Variants in TEX36 observed in about 807,000 individuals in gnomAD.
TEX36 encodes testis expressed 36.
Under a neutral mutation model 13.6 loss-of-function variants are expected in TEX36, and 12 were observed. That is an observed-to-expected ratio of 0.88 (90% CI 0.56 to 1.43). The LOEUF is 1.43. Ranked by LOEUF, TEX36 falls within the 40% of genes most tolerant of loss-of-function variation. The pLI, the probability that TEX36 is intolerant of heterozygous loss-of-function variation, is 0.00. For missense variants in TEX36, 224 were observed against 228.3 expected, an observed-to-expected ratio of 0.98 and a Z score of 0.12; for synonymous variants, 93 against 83.0, an observed-to-expected ratio of 1.12 and a Z score of -0.65.
At chr10:125,664,965 C>CAAT (rs1461887699) in intron 1 of TEX36, among the ~76,000 whole-genome samples, 3 of 152,158 alleles carry the variant, frequency 2.0e-5, no homozygotes, top group African/African-American at 7.2e-5. Context: ...ATCTGATGAT[C>CAAT]AATGATGTTG....
Position 125,678,874 on chromosome 10 carries a change from G to A in TEX36, c.51+4065C>T, listed in dbSNP as rs562326754. On this transcript the variant is annotated intron_variant, in intron 1 of 3. Coordinates refer to ENST00000368821, the MANE Select transcript of TEX36 (RefSeq NM_001128202.3). ...GCAAAGCCCGGCTGGGTGGGCTTGCGCTCAGGCCCCCAAAATATGACAGCA... is the reference window on the plus strand; with the variant it reads ...GCAAAGCCCGGCTGGGTGGGCTTGCACTCAGGCCCCCAAAATATGACAGCA... Among the ~76,000 whole-genome samples, 10 of 152,074 alleles carry A rather than the reference G, an allele frequency of 6.6e-5. No homozygotes were observed. The South Asian group carries it at 1.3e-3, about 19-fold the overall frequency.
At chr10:125,655,450 A>T (rs12414561), downstream of TEX36, among the ~76,000 whole-genome samples, 13,207 of 151,274 alleles carry the variant, frequency 0.087, 944 homozygotes, top group East Asian at 0.31. Context: ...AAACAAAATT[A>T]AAAAAAAGTT....
At chr10:125,673,935 C>T (rs1431052393) in intron 1 of TEX36, among the ~76,000 whole-genome samples, 2 of 151,984 alleles carry the variant, frequency 1.3e-5, no homozygotes, top group East Asian at 3.9e-4. Flanking sequence ...CTTACTGGGG[C>T]TCTCTGTGTT....
chr10:125,628,026 C>T (rs1312863660), intron 3 of TEX36, among the ~76,000 whole-genome samples: 1 of 152,180 alleles, frequency 6.6e-6, no homozygotes, highest in African/African-American at 2.4e-5. Context: ...AGTATGCCTA[C>T]ACTCACTGGT....
In TEX36 at chr10:125,655,755, A is replaced by G; in HGVS notation, c.*145T>C. 7.5e-7 allele frequency: 1 copy of G among 1,335,744 alleles called. No individual in the cohort carries two copies. Among genetic ancestry groups the G allele is most frequent in the Non-Finnish European group, 9.6e-7 (1 of 1,045,308 alleles). The allele number at this position is 1,335,744 out of a possible 1,614,324, so 82.7% of individuals were successfully genotyped here. ...GTATGTCATCACAAATTCATTTCAC[A>G]AGGATTTGAATGTTTTTTGACCTTA... On this transcript the variant is annotated 3_prime_UTR_variant, in exon 4 of 4. Coordinates refer to ENST00000368821, the MANE Select transcript of TEX36 (RefSeq NM_001128202.3).
In TEX36 at chr10:125,683,047, A is replaced by C; in HGVS notation, c.-58T>G. 3 of 1,537,078 alleles carry C rather than the reference A, an allele frequency of 2.0e-6. No individual in the cohort carries two copies. Among genetic ancestry groups the C allele is most frequent in the Non-Finnish European group, 1.8e-6 (2 of 1,133,756 alleles). On this transcript the variant is annotated 5_prime_UTR_variant, in exon 1 of 4. An upstream open reading frame in the 5' UTR loses its in-frame stop. Coordinates refer to ENST00000368821, the MANE Select transcript of TEX36 (RefSeq NM_001128202.3). Reference sequence around the variant, plus strand: ...GCTCCCTCACCTCTCCATAAGCTCTACATGTCTGGGAAGCTGCTTCCTAAA... The same window carrying C: ...GCTCCCTCACCTCTCCATAAGCTCTCCATGTCTGGGAAGCTGCTTCCTAAA...
At chr10:125,639,425 G>T (rs1445556741) in intron 3 of TEX36, among the ~76,000 whole-genome samples, 4 of 152,162 alleles carry the variant, frequency 2.6e-5, no homozygotes, top group African/African-American at 9.7e-5. Context: ...TACCACTCAT[G>T]CTTGTACCCC....
At chr10:125,638,962 T>C (rs1846652475) in intron 3 of TEX36, among the ~76,000 whole-genome samples, 1 of 152,270 alleles carries the variant, frequency 6.6e-6, no homozygotes, top group Non-Finnish European at 1.5e-5. Context: ...TACCTATCAT[T>C]AGGCTTTCAG....
At chr10:125,576,609 T>C in exon 4 of TEX36, 1 of 1,228,600 alleles carries the variant, frequency 8.1e-7, no homozygotes, top group East Asian at 2.6e-5. Context: ...TGGAAATTTA[T>C]TTTTCCAAGA....
rs372535245 is a variant in TEX36 at position 125,587,560 on chromosome 10, G to T, written c.265-10686C>A. Among the ~76,000 whole-genome samples the T allele has an allele frequency of 2.6e-5, 4 of 152,186 alleles. No homozygotes were observed. The East Asian group carries it at 7.7e-4, about 29-fold the overall frequency. Reference sequence around the variant, plus strand: ...CCCAACACTTTGGAGGCCGAGGTTGGCAGAGCACCTGAAGTCAGGAGATCA... The same window carrying T: ...CCCAACACTTTGGAGGCCGAGGTTGTCAGAGCACCTGAAGTCAGGAGATCA... On this transcript the variant is annotated intron_variant, in intron 3 of 3. Transcript: ENST00000532135.
intron 1 of TEX36, among the ~76,000 whole-genome samples, chr10:125,662,748 C>G (rs560940821): frequency 6.6e-6 from 1 of 152,034 alleles, no homozygotes; most frequent in African/African-American, 2.4e-5. Flanking sequence ...CCTGAGCTAC[C>G]CCCAGAAGAA....
chr10:125,584,959 C>G (rs137859858), intron 3 of TEX36, among the ~76,000 whole-genome samples: 1 of 152,338 alleles, frequency 6.6e-6, no homozygotes, highest in Admixed American at 6.5e-5. Flanking sequence ...TAGTCTTCAA[C>G]ATCATTTTAA....
downstream of TEX36, among the ~76,000 whole-genome samples, chr10:125,619,932 A>C (rs1846409020): frequency 1.3e-5 from 2 of 152,030 alleles, no homozygotes; most frequent in South Asian, 2.1e-4. Context: ...ACCTAGGTGC[A>C]TGTATCATTG....
intron 3 of TEX36, among the ~76,000 whole-genome samples, chr10:125,584,090 C>A (rs1845915943): frequency 6.6e-6 from 1 of 152,204 alleles, no homozygotes; most frequent in Non-Finnish European, 1.5e-5. Flanking sequence ...AAAGGTCCCA[C>A]CTGGCACTGT....
intron 3 of TEX36, among the ~76,000 whole-genome samples, chr10:125,644,076 T>G (rs1302596826): frequency 6.6e-6 from 1 of 151,926 alleles, no homozygotes; most frequent in African/African-American, 2.4e-5. Context: ...TAGAAATAAG[T>G]AAAATCGTTA....
intron 1 of TEX36, among the ~76,000 whole-genome samples, chr10:125,675,461 G>A (rs1192295378): frequency 6.6e-6 from 1 of 152,198 alleles, no homozygotes; most frequent in Non-Finnish European, 1.5e-5. Flanking sequence ...GTCTTAGGCA[G>A]TCCCCACCAA....
At chr10:125,598,534 CAG>C (rs903171205) in intron 3 of TEX36, among the ~76,000 whole-genome samples, 2 of 152,206 alleles carry the variant, frequency 1.3e-5, no homozygotes, top group African/African-American at 4.8e-5. Context: ...CCCAAACCAA[CAG>C]AGCCCAGTGC....
At chr10:125,648,028 C>A (rs1846798828) in intron 3 of TEX36, among the ~76,000 whole-genome samples, 1 of 152,226 alleles carries the variant, frequency 6.6e-6, no homozygotes, top group Non-Finnish European at 1.5e-5. Flanking sequence ...GTGGAGCCCA[C>A]CACAGCTCAA....
chr10:125,605,604 T>G (rs113502902), intron 3 of TEX36, among the ~76,000 whole-genome samples: 83 of 151,906 alleles, frequency 5.5e-4, no homozygotes, highest in African/African-American at 1.9e-3. Flanking sequence ...ATTTATTTAT[T>G]TATTTATTTA....
Sources: gnomAD v4.1 joint callset for allele counts (sites outside exome capture counted in the v4.1 genomes callset) on GRCh38, gnomAD v4.1.1 for gene constraint, MANE v1.5 for transcripts, NCBI Gene and HGNC (gene_info 2026-07-23, HGNC 2026-07-21) for gene names.